Variants in ADRA1A observed in about 807,000 individuals in gnomAD.
ADRA1A encodes adrenoceptor alpha 1A, also known as alpha-1A adrenergic receptor.
In ADRA1A, 31 loss-of-function variants were observed where a neutral mutation model predicts 29.6. That is an observed-to-expected ratio of 1.05 (90% CI 0.79 to 1.41). ADRA1A has a LOEUF of 1.41. ADRA1A is among the 40% of genes most tolerant of loss of function. The probability of loss-of-function intolerance (pLI) is 0.00; values close to 1 mark genes in which losing one functional copy is unlikely to be tolerated. For missense variants in ADRA1A, 619 were observed against 601.1 expected, an observed-to-expected ratio of 1.03 and a Z score of -0.31; for synonymous variants, 311 against 254.3, an observed-to-expected ratio of 1.22 and a Z score of -2.12.
At chr8:26,842,778 CAATAATATTGTCCCACCAAGTCTGGAT>C (rs1223430579) in intron 2 of ADRA1A, among the ~76,000 whole-genome samples, 1 of 151,836 alleles carries the variant, frequency 6.6e-6, no homozygotes, top group Admixed American at 6.6e-5. Context: ...TGGTCTGGGT[CAATAATATTGTCCCACCAAGTCTGGAT>C]AATAATATTG....
At chr8:26,756,273 A>G (rs969804864), downstream of ADRA1A, 2 of 362,538 alleles carry the variant, frequency 5.5e-6, no homozygotes, top group East Asian at 1.7e-4. Context: ...TTCAATCTAA[A>G]TGAACAAGGC....
chr8:26,809,434 C>T (rs1189174484), intron 2 of ADRA1A, among the ~76,000 whole-genome samples: 1 of 152,118 alleles, frequency 6.6e-6, no homozygotes, highest in Non-Finnish European at 1.5e-5. Flanking sequence ...ACCCTGATTT[C>T]TCAGCTCTCA....
At chr8:26,859,771 CTTTT>C (rs368780944) in intron 2 of ADRA1A, among the ~76,000 whole-genome samples, 2 of 137,566 alleles carry the variant, frequency 1.5e-5, no homozygotes. Flanking sequence ...TATCATTTTT[CTTTT>C]TTTTTTTTTT....
Position 26,769,589 on chromosome 8 carries a change from C to T in ADRA1A, c.*560G>A. ...AGGTAAACCTCACTGCCAAGTTTCC[C>T]TCAAGCTGAGAAATTGGATGTATCA... On this transcript the variant is annotated 3_prime_UTR_variant, in exon 3 of 3. Coordinates refer to ENST00000380573, the MANE Select transcript of ADRA1A (RefSeq NM_000680.4). 4 of 985,526 alleles carry T rather than the reference C, an allele frequency of 4.1e-6. No homozygotes were observed. The highest frequency in any genetic ancestry group is 4.8e-6 in the Non-Finnish European group (4 of 830,016). 61.0% of individuals were successfully genotyped at this position (985,526 alleles called of 1,614,324 possible).
Position 26,860,948 on chromosome 8 carries a change from T to TA in ADRA1A, c.883+3138_883+3139insT, listed in dbSNP as rs1169435369. 1.3e-5 allele frequency among the ~76,000 whole-genome samples: 2 copies of TA among 152,176 alleles called. No homozygotes were observed. Among genetic ancestry groups the TA allele is most frequent in the African/African-American group, 4.8e-5 (2 of 41,446 alleles). ...TAGCTCCAGTGTATAGCAAAACCTT[T>TA]CAGAAGAGTTGTCTATTTTCCCTGT... On this transcript the variant is annotated intron_variant, in intron 2 of 2. Transcript: ENST00000380573. The surrounding 1 kb of genome is among the most constrained non-coding windows in gnomAD (Gnocchi z 4.7).
At chr8:26,799,075 C>T (rs112197161) in intron 2 of ADRA1A, among the ~76,000 whole-genome samples, 1 of 152,114 alleles carries the variant, frequency 6.6e-6, no homozygotes, top group Non-Finnish European at 1.5e-5. Context: ...GTCAAGATTG[C>T]ATTTGTTTAT....
chr8:26,864,604 G>T lies in ADRA1A; in HGVS notation c.366C>A (p.Ile122=). 6.2e-7 allele frequency: 1 copy of T among 1,614,138 alleles called. No homozygotes were observed. The highest frequency in any genetic ancestry group is 2.2e-5 in the East Asian group (1 of 44,870). The change falls in exon 2 of 3, where the codon ATC becomes ATA. Residue 122 remains isoleucine, a synonymous_variant. Transcript: ENST00000380573. This position sits in a 1 kb window ranked among gnomAD's most constrained non-coding sequence, Gnocchi z 8.1. The part of the protein sequence containing the change: ...ASIMGLCIIS[I]DRYIGVSYPL... ...GGTAGCTCACGCCGATGTAGCGGTC[G>T]ATGGAGATGATGCAGAGGCCCATGA...
At chr8:26,793,960 A>G (rs577477052) in intron 2 of ADRA1A, among the ~76,000 whole-genome samples, 3 of 152,154 alleles carry the variant, frequency 2.0e-5, no homozygotes, top group East Asian at 1.9e-4. Context: ...TCAAAAGAAA[A>G]CAAATAAAAA....
intron 2 of ADRA1A, 94 bp from the exon 3 acceptor site, chr8:26,770,760 T>A: frequency 6.8e-7 from 1 of 1,463,458 alleles, no homozygotes; most frequent in Non-Finnish European, 9.0e-7. Context: ...TCTGTATTTT[T>A]AAACGGTTAA....
At chr8:26,827,306 A>G (rs1810644223) in intron 2 of ADRA1A, among the ~76,000 whole-genome samples, 1 of 152,228 alleles carries the variant, frequency 6.6e-6, no homozygotes, top group African/African-American at 2.4e-5. Context: ...TTGAATGGAA[A>G]TGTTAAAGAC....
At chr8:26,772,382 A>G (rs899358523) in intron 2 of ADRA1A, among the ~76,000 whole-genome samples, 1 of 152,166 alleles carries the variant, frequency 6.6e-6, no homozygotes, top group Non-Finnish European at 1.5e-5. Flanking sequence ...GCAAAATAAC[A>G]TCTTGACTTT....
Position 26,775,342 on chromosome 8 carries a change from ATTC to A in ADRA1A, c.884-4679_884-4677del, listed in dbSNP as rs1217596894. The stretch of plus-strand genomic sequence containing the variant: ...AACCCTGACTTCTTTCTGCTGTCTC[ATTC>A]TTCTTTTTTTTGCCCACCATTTCAG... On this transcript the variant is annotated intron_variant, in intron 2 of 2. Transcript: ENST00000380573. This position sits in a 1 kb window ranked among gnomAD's most constrained non-coding sequence, Gnocchi z 4.1. Among the ~76,000 whole-genome samples, 10 of 151,350 alleles carry A rather than the reference ATTC, an allele frequency of 6.6e-5. No individual in the cohort carries two copies. Among genetic ancestry groups the A allele is most frequent in the African/African-American group, 1.9e-4 (8 of 41,124 alleles).
chr8:26,846,011 C>G (rs1346548695), intron 2 of ADRA1A, among the ~76,000 whole-genome samples: 1 of 152,144 alleles, frequency 6.6e-6, no homozygotes, highest in East Asian at 1.9e-4. Flanking sequence ...AGTTGGATAA[C>G]ATTGCGAATG....
chr8:26,779,720 G>C (rs551822935), intron 2 of ADRA1A, among the ~76,000 whole-genome samples: 1 of 152,314 alleles, frequency 6.6e-6, no homozygotes, highest in East Asian at 1.9e-4. Context: ...AAAGGCTGCT[G>C]TCATGCAGTG....
rs887156686 is a variant in ADRA1A at position 26,796,165 on chromosome 8, A to G, written c.884-25499T>C. 6.6e-6 allele frequency among the ~76,000 whole-genome samples: 1 copy of G among 152,154 alleles called. No homozygotes were observed. Among genetic ancestry groups the G allele is most frequent in the Admixed American group, 6.6e-5 (1 of 15,264 alleles). On this transcript the variant is annotated intron_variant, in intron 2 of 2. Transcript: ENST00000380573. The surrounding 1 kb of genome is among the most constrained non-coding windows in gnomAD (Gnocchi z 5.0). ...CCAAAGAACCTGAGTGGAGTGAGAAATCTGAATAAAATAAAACTGCCTATG... is the reference window on the plus strand; with the variant it reads ...CCAAAGAACCTGAGTGGAGTGAGAAGTCTGAATAAAATAAAACTGCCTATG...
chr8:26,823,105 T>C lies in ADRA1A; in HGVS notation c.883+40982A>G, dbSNP rs1810299171. Among the ~76,000 whole-genome samples the C allele has an allele frequency of 6.6e-6, 1 of 152,180 alleles. No individual in the cohort carries two copies. Among genetic ancestry groups the C allele is most frequent in the African/African-American group, 2.4e-5 (1 of 41,430 alleles). The stretch of plus-strand genomic sequence containing the variant: ...AAAGTTTTTCTCTCCTTTCCAACTG[T>C]GAACTGTAATTTTTTGTTATAGGCA... On this transcript the variant is annotated intron_variant, in intron 2 of 2. Transcript: ENST00000380573. The surrounding 1 kb of genome is among the most constrained non-coding windows in gnomAD (Gnocchi z 4.2).
chr8:26,801,668 C>A (rs967553101), intron 2 of ADRA1A, among the ~76,000 whole-genome samples: 1 of 108,862 alleles, frequency 9.2e-6, no homozygotes, highest in Non-Finnish European at 1.7e-5. Context: ...AGAATCAATA[C>A]TATTAAAATG....
At chr8:26,840,405 C>T (rs762748287) in intron 2 of ADRA1A, among the ~76,000 whole-genome samples, 1 of 152,236 alleles carries the variant, frequency 6.6e-6, no homozygotes, top group Non-Finnish European at 1.5e-5. Flanking sequence ...CACAGTCGAG[C>T]CCTGCTCCAC....
At position 26,805,518 on chromosome 8, in the gene ADRA1A, A is replaced by G. The variant is rs568640221; in HGVS notation, c.884-34852T>C. Among the ~76,000 whole-genome samples, 1 of 152,284 alleles carries G rather than the reference A, an allele frequency of 6.6e-6. No homozygotes were observed. Among genetic ancestry groups the G allele is most frequent in the South Asian group, 2.1e-4 (1 of 4,826 alleles). On this transcript the variant is annotated intron_variant, in intron 2 of 2. Transcript: ENST00000380573. This position sits in a 1 kb window ranked among gnomAD's most constrained non-coding sequence, Gnocchi z 4.8. ...AGTACTTTCGAAACGCTTTCCATAT[A>G]TTAGCTCATTTAATTTTCCAAAAAT...
Sources: allele counts gnomAD v4.1 joint callset (sites outside exome capture counted in the v4.1 genomes callset), GRCh38; gene constraint gnomAD v4.1.1; non-coding constraint Gnocchi (gnomAD v3.1); transcripts MANE v1.5; gene names NCBI Gene and HGNC (gene_info 2026-07-23, HGNC 2026-07-21).